The following SIAE variants were observed in gnomAD, a reference collection of about 807,000 sequenced individuals.
SIAE encodes sialic acid acetylesterase.
In SIAE, 39 loss-of-function variants were observed where a neutral mutation model predicts 52.6. The ratio of observed to expected loss-of-function variants is 0.74; its 90% CI spans 0.57 to 0.97. The LOEUF (loss-of-function observed/expected upper bound fraction) is 0.97, where lower values mean the gene tolerates loss of function less well. Among genes scored for constraint, SIAE ranks in the 50% least tolerant of loss-of-function variants. The pLI is 0.00. For synonymous variants in SIAE, 233 were observed against 241.4 expected (o/e 0.97, Z 0.32); for missense variants, 592 against 662.1 (o/e 0.89, Z 1.16).
At chr11:124,640,941 C>G (rs1408358008) in intron 7 of SIAE, among the ~76,000 whole-genome samples, 1 of 152,184 alleles carries the variant, frequency 6.6e-6, no homozygotes, top group Admixed American at 6.5e-5. Flanking sequence ...TCTGAAAGAG[C>G]CCAAAGATCT....
At chr11:124,662,129 G>C (rs1026637214) in intron 2 of SIAE, among the ~76,000 whole-genome samples, 3 of 152,180 alleles carry the variant, frequency 2.0e-5, no homozygotes, top group African/African-American at 7.2e-5. Flanking sequence ...ATCCCTAAGA[G>C]GTTAATTAAA....
At position 124,638,692 on chromosome 11, in the gene SIAE, CAA is replaced by C; in HGVS notation, c.1168_1169del (p.Leu390GlyfsTer9). ...CACCATAAGCCAGAGCACGGGCCCC[CAA>C]ATGCAGCCGATAAGCCACAGTCTGT... ...DKQTVAYRLH[L>X]GARALAYGEK... On this transcript the variant is annotated frameshift_variant, in exon 9 of 10. Coordinates refer to ENST00000263593, the MANE Select transcript of SIAE (RefSeq NM_170601.5). LOFTEE classifies it high-confidence loss of function. The C allele has an allele frequency of 6.2e-7, 1 of 1,614,060 alleles. No individual in the cohort carries two copies. The highest frequency in any genetic ancestry group is 8.5e-7 in the Non-Finnish European group (1 of 1,180,012).
At chr11:124,642,906 T>C (rs1325198947) in intron 7 of SIAE, among the ~76,000 whole-genome samples, 1 of 152,078 alleles carries the variant, frequency 6.6e-6, no homozygotes, top group African/African-American at 2.4e-5. Flanking sequence ...TAAGCTGCCA[T>C]GAGTTCTACA....
At chr11:124,644,231 T>TA (rs375944336) in intron 7 of SIAE, among the ~76,000 whole-genome samples, 1 of 149,922 alleles carries the variant, frequency 6.7e-6, no homozygotes, top group South Asian at 2.1e-4. Context: ...AAAATGGGAA[T>TA]AAAAAATCTA....
At chr11:124,642,939 C>T (rs1365290777) in intron 7 of SIAE, among the ~76,000 whole-genome samples, 1 of 152,052 alleles carries the variant, frequency 6.6e-6, no homozygotes, top group Non-Finnish European at 1.5e-5. Context: ...TGAATTCTGC[C>T]GACAACCACA....
upstream of SIAE, chr11:124,673,888 A>C: frequency 1.5e-6 from 1 of 654,200 alleles, no homozygotes; most frequent in Non-Finnish European, 2.6e-6. Flanking sequence ...TTTTAAAGAA[A>C]AAACGGTTAC....
intron 1 of SIAE, among the ~76,000 whole-genome samples, chr11:124,671,761 CTTGT>C (rs769997747): frequency 2.6e-5 from 4 of 151,878 alleles, no homozygotes; most frequent in Admixed American, 6.6e-5. Context: ...CATTTGATTT[CTTGT>C]TTGTTTGTTT....
chr11:124,655,939 A>G (rs1943091558), intron 3 of SIAE, among the ~76,000 whole-genome samples: 1 of 152,226 alleles, frequency 6.6e-6, no homozygotes, highest in Non-Finnish European at 1.5e-5. Flanking sequence ...GTGTGCCAAC[A>G]TGATGTCAAC....
intron 9 of SIAE, among the ~76,000 whole-genome samples, chr11:124,637,707 G>A (rs1942774372): frequency 6.6e-6 from 1 of 152,332 alleles, no homozygotes; most frequent in South Asian, 2.1e-4. Flanking sequence ...CTAAAGAGAA[G>A]AGCTCAGAAT....
intron 1 of SIAE, 93 bp from the exon 2 acceptor site, chr11:124,669,614 T>C: frequency 8.4e-7 from 1 of 1,195,154 alleles, no homozygotes; most frequent in Non-Finnish European, 1.2e-6. Flanking sequence ...ACAGTCTTTA[T>C]GCAAGAGAAT....
intron 4 of SIAE, among the ~76,000 whole-genome samples, chr11:124,652,456 G>C (rs544209156): frequency 6.6e-6 from 1 of 152,222 alleles, no homozygotes; most frequent in South Asian, 2.1e-4. Flanking sequence ...GGGAGTGTGA[G>C]GCAGGCAGAT....
intron 7 of SIAE, among the ~76,000 whole-genome samples, chr11:124,642,097 G>A (rs1173846748): frequency 1.3e-5 from 2 of 151,994 alleles, no homozygotes; most frequent in African/African-American, 4.8e-5. Context: ...ACGGGATGAT[G>A]AGAAATAATA....
Position 124,647,404 on chromosome 11 carries a change from C to T in SIAE, c.927G>A (p.Gln309=). Residue 309 remains glutamine (Q), a synonymous_variant, in exon 7 of 10, where the codon CAG becomes CAA. Transcript: ENST00000263593. ...ATGGGAAGAAACGCTCCGTCTGCCC[C>T]TGGGAACCACGGTGGAAGGTTTCAC... is the stretch of plus-strand genomic sequence containing the variant. ...DWRETFHRGS[Q]GQTERFFPFG... The T allele has an allele frequency of 6.2e-7, 1 of 1,614,244 alleles. No homozygotes were observed. Among genetic ancestry groups the T allele is most frequent in the East Asian group, 2.2e-5 (1 of 44,882 alleles).
At chr11:124,649,529 A>G in intron 5 of SIAE, 90 bp downstream of exon 5, 1 of 1,382,212 alleles carries the variant, frequency 7.2e-7, no homozygotes, top group Non-Finnish European at 1.0e-6. Flanking sequence ...GACATTCACC[A>G]TATACTTAAC....
chr11:124,636,634 A>C lies in SIAE; in HGVS notation c.*317T>G, dbSNP rs1942747196. ...TCCTGAGATTCCCACAACTCTGGAT[A>C]AAAAGGGGCAAAAGTATTAGACATT... On this transcript the variant is annotated 3_prime_UTR_variant, in exon 10 of 10. Transcript: ENST00000263593. 7 of 360,532 alleles carry C rather than the reference A, an allele frequency of 1.9e-5. No individual in the cohort carries two copies. Among genetic ancestry groups the C allele is most frequent in the Non-Finnish European group, 3.7e-5 (7 of 189,620 alleles). The allele number at this position is 360,532 out of a possible 1,614,324, so 22.3% of individuals were successfully genotyped here. A position where few individuals can be genotyped will look rare whatever the true frequency, so the allele number is the denominator to read the frequency against.
intron 3 of SIAE, chr11:124,660,339 G>A: frequency 4.9e-5 from 17 of 346,986 alleles, no homozygotes; most frequent in South Asian, 9.4e-5. Flanking sequence ...AACTTGAGAA[G>A]AAACTCAGTT....
intron 7 of SIAE, among the ~76,000 whole-genome samples, chr11:124,641,181 A>G (rs1591383850): frequency 6.6e-6 from 1 of 152,380 alleles, no homozygotes; most frequent in African/African-American, 2.4e-5. Flanking sequence ...ATTAAATGTT[A>G]AATGAGTGCC....
rs538801737 is a variant in SIAE at position 124,668,771 on chromosome 11, AT to A, written c.229+588del. Among the ~76,000 whole-genome samples, 152 of 152,358 alleles carry A rather than the reference AT, an allele frequency of 1.0e-3. 1 individual carries two copies. The highest frequency in any genetic ancestry group is 2.0e-3 in the Non-Finnish European group (136 of 68,030). ...TTAGACTACCAATATGAAGTCTTACATTCTTACATTATGGCACTCTCAGTAA... is the reference window on the plus strand; with the variant it reads ...TTAGACTACCAATATGAAGTCTTACATCTTACATTATGGCACTCTCAGTAA... On this transcript the variant is annotated intron_variant, in intron 2 of 9. Coordinates refer to ENST00000263593, the MANE Select transcript of SIAE (RefSeq NM_170601.5).
intron 1 of SIAE, among the ~76,000 whole-genome samples, 168 bp downstream of exon 1, chr11:124,673,474 C>G (rs1239069063): frequency 6.6e-6 from 1 of 152,186 alleles, no homozygotes; most frequent in Non-Finnish European, 1.5e-5. Flanking sequence ...TTCAACCCAG[C>G]AGACTCCTGC....
Sources: gnomAD v4.1 joint callset for allele counts (sites outside exome capture counted in the v4.1 genomes callset) on GRCh38, gnomAD v4.1.1 for gene constraint, MANE v1.5 for transcripts, NCBI Gene and HGNC (gene_info 2026-07-23, HGNC 2026-07-21) for gene names.